IRAK3: variants seen among roughly 807,000 people sequenced by gnomAD.
The protein encoded by IRAK3 is interleukin 1 receptor associated kinase 3, also known as interleukin-1 receptor-associated kinase 3.
In IRAK3, 57 loss-of-function variants were observed where a neutral mutation model predicts 56.6. The ratio of observed to expected loss-of-function variants is 1.01; its 90% CI spans 0.81 to 1.26. The LOEUF (loss-of-function observed/expected upper bound fraction) is 1.26. Ranked by LOEUF, IRAK3 falls within the 50% of genes most tolerant of loss-of-function variation. The probability of loss-of-function intolerance (pLI) is 0.00; values close to 1 mark genes in which losing one functional copy is unlikely to be tolerated. For missense variants in IRAK3, 703 were observed against 719.0 expected, an observed-to-expected ratio of 0.98 and a Z score of 0.25; for synonymous variants, 258 against 255.7, an observed-to-expected ratio of 1.01 and a Z score of -0.09.
intron 1 of IRAK3, among the ~76,000 whole-genome samples, chr12:66,189,936 T>C (rs2052383787): frequency 6.6e-6 from 1 of 152,346 alleles, no homozygotes; most frequent in East Asian, 1.9e-4. Flanking sequence ...TTTTCTTAAT[T>C]AAATCTTATT....
intron 1 of IRAK3, among the ~76,000 whole-genome samples, chr12:66,194,010 C>G (rs541804349): frequency 6.6e-6 from 1 of 152,176 alleles, no homozygotes; most frequent in Non-Finnish European, 1.5e-5. Flanking sequence ...TCACTGCAGC[C>G]TCGACCTCCC....
intron 1 of IRAK3, among the ~76,000 whole-genome samples, chr12:66,195,147 A>C (rs1273534998): frequency 6.6e-6 from 1 of 152,164 alleles, no homozygotes; most frequent in Non-Finnish European, 1.5e-5. Flanking sequence ...GGCCAAAAAT[A>C]TTAGCCTTTT....
In IRAK3 at chr12:66,248,404, C is replaced by T. The variant is rs546434554; in HGVS notation, c.*233C>T. The stretch of plus-strand genomic sequence containing the variant: ...ATTGTCTCATGACCAAATCCACGCT[C>T]AATTAGAGCCATTCAAAATTCCTTA... On this transcript the variant is annotated 3_prime_UTR_variant, in exon 12 of 12. Coordinates refer to ENST00000261233, the MANE Select transcript of IRAK3 (RefSeq NM_007199.3). 41 of 423,482 alleles carry T rather than the reference C, an allele frequency of 9.7e-5. No individual in the cohort carries two copies. The South Asian group carries it at 1.4e-3, about 15-fold the overall frequency. The allele number at this position is 423,482 out of a possible 1,614,324, so 26.2% of individuals were successfully genotyped here. A position where few individuals can be genotyped will look rare whatever the true frequency, so the allele number is the denominator to read the frequency against.
intron 1 of IRAK3, among the ~76,000 whole-genome samples, chr12:66,191,704 G>A (rs985717467): frequency 5.3e-5 from 8 of 152,296 alleles, no homozygotes; most frequent in Admixed American, 3.9e-4. Flanking sequence ...GAGTTTTCCT[G>A]TGGGCACAGC....
At chr12:66,190,797 TG>T (rs1457232210) in intron 1 of IRAK3, among the ~76,000 whole-genome samples, 1 of 152,192 alleles carries the variant, frequency 6.6e-6, no homozygotes, top group African/African-American at 2.4e-5. Context: ...CAGCTGGAAA[TG>T]GAAGAGCCAG....
chr12:66,235,381 G>C, intron 8 of IRAK3: 1 of 1,006,206 alleles, frequency 9.9e-7, no homozygotes, highest in Non-Finnish European at 1.2e-6. Flanking sequence ...GGGGCCGGCC[G>C]GGCCCCGGGC....
At chr12:66,190,238 C>T (rs1490536976) in intron 1 of IRAK3, among the ~76,000 whole-genome samples, 2 of 152,094 alleles carry the variant, frequency 1.3e-5, no homozygotes, top group Non-Finnish European at 2.9e-5. Flanking sequence ...ATTTTTCTTA[C>T]CAGGACTAGC....
rs2052809081 is a variant in IRAK3, at chr12:66,228,290, T to C, written c.807T>C (p.Gly269=). ...CACTCCCTTGGCACATTCGAATCGG[T>C]ATATTAATAGGAATATCCAAAGCCA... is the stretch of plus-strand genomic sequence containing the variant. ...TAPLPWHIRI[G]ILIGISKAIH... The change falls in exon 8 of 12, where the codon GGT becomes GGC. Residue 269 remains glycine (G), a synonymous_variant. Coordinates refer to ENST00000261233, the MANE Select transcript of IRAK3 (RefSeq NM_007199.3). 3.1e-6 allele frequency: 5 copies of C among 1,614,150 alleles called. No homozygotes were observed. Among genetic ancestry groups the C allele is most frequent in the Non-Finnish European group, 4.2e-6 (5 of 1,179,992 alleles).
intron 6 of IRAK3, among the ~76,000 whole-genome samples, chr12:66,221,730 TA>T (rs2052735611): frequency 6.6e-6 from 1 of 152,216 alleles, no homozygotes; most frequent in Non-Finnish European, 1.5e-5. Context: ...TATTTCATCC[TA>T]TTAATGTTCT....
chr12:66,197,125 C>T, intron 1 of IRAK3: 1 of 1,295,910 alleles, frequency 7.7e-7, no homozygotes. Flanking sequence ...GACTTTTTGG[C>T]TTATGTGACT....
intron 1 of IRAK3, among the ~76,000 whole-genome samples, chr12:66,198,712 A>G (rs2052478647): frequency 6.6e-6 from 1 of 151,672 alleles, no homozygotes; most frequent in Non-Finnish European, 1.5e-5. Context: ...GCCTAATACT[A>G]TGTAAATATT....
At position 66,200,845 on chromosome 12, in the gene IRAK3, C is replaced by G. The variant is rs546551558; in HGVS notation, c.134-2866C>G. On this transcript the variant is annotated intron_variant, in intron 1 of 11. Coordinates refer to ENST00000261233, the MANE Select transcript of IRAK3 (RefSeq NM_007199.3). ...TTGTGTGTGGAAACAGAGTCTCACT[C>G]TGTTGCCTAGGCTGGAGTGCAATGG... Among the ~76,000 whole-genome samples the G allele has an allele frequency of 5.3e-5, 8 of 152,256 alleles. No individual in the cohort carries two copies. The East Asian group carries it at 1.4e-3, about 26-fold the overall frequency.
intron 1 of IRAK3, among the ~76,000 whole-genome samples, chr12:66,202,760 G>GC (rs1163935598): frequency 6.6e-6 from 1 of 151,616 alleles, no homozygotes; most frequent in East Asian, 1.9e-4. Context: ...AGCTGAGATT[G>GC]CCCCACTGTG....
At chr12:66,237,653 C>T (rs1025953147) in intron 8 of IRAK3, among the ~76,000 whole-genome samples, 1 of 152,188 alleles carries the variant, frequency 6.6e-6, no homozygotes, top group Non-Finnish European at 1.5e-5. Context: ...CCTCATTCAC[C>T]TCCTCTGCAG....
chr12:66,245,267 G>A lies in IRAK3; in HGVS notation c.1314+5G>A. Reference sequence around the variant, plus strand: ...TTAAGACCATCAATGGATGAAGTGAGTATATACATGGTTTTATTCAAAACT... The same window carrying A: ...TTAAGACCATCAATGGATGAAGTGAATATATACATGGTTTTATTCAAAACT... On this transcript the variant is annotated splice_donor_5th_base_variant and intron_variant, in intron 11 of 11. Transcript: ENST00000261233. 1 of 1,613,916 alleles carries A rather than the reference G, an allele frequency of 6.2e-7. No individual in the cohort carries two copies. The highest frequency in any genetic ancestry group is 1.3e-5 in the African/African-American group (1 of 75,034).
Position 66,203,727 on chromosome 12 carries a change from C to A in IRAK3, c.150C>A (p.Ser50Arg). The A allele has an allele frequency of 2.5e-6, 4 of 1,614,018 alleles. No homozygotes were observed. The South Asian group carries it at 4.4e-5, about 18-fold the overall frequency. ...TTTCCACAGCAGAGAGACTTTCAAG[C>A]AGCTGGCTGGATGTTCGTCATATTG... ...GWRGLAERLS[S>R]SWLDVRHIEK... The change falls in exon 2 of 12, where the codon AGC becomes AGA. Residue 50 changes from serine (S) to arginine (R), a missense_variant. Transcript: ENST00000261233.
Position 66,249,509 on chromosome 12 carries a change from T to C in IRAK3, c.*1338T>C, listed in dbSNP as rs1054742504. 2 of 152,230 alleles carry C rather than the reference T, an allele frequency of 1.3e-5. No individual in the cohort carries two copies. The highest frequency in any genetic ancestry group is 1.3e-4 in the Admixed American group (2 of 15,282). 9.4% of individuals were successfully genotyped at this position (152,230 alleles called of 1,614,324 possible). A position where few individuals can be genotyped will look rare whatever the true frequency, so the allele number is the denominator to read the frequency against. On this transcript the variant is annotated 3_prime_UTR_variant, in exon 12 of 12. Coordinates refer to ENST00000261233, the MANE Select transcript of IRAK3 (RefSeq NM_007199.3). ...GTAAACTCCCTATATTAGTTTTCTATTGTTTTTGTAACACATTATCACAAA... is the reference window on the plus strand; with the variant it reads ...GTAAACTCCCTATATTAGTTTTCTACTGTTTTTGTAACACATTATCACAAA...
intron 8 of IRAK3, among the ~76,000 whole-genome samples, chr12:66,231,197 A>G (rs1325938638): frequency 6.6e-6 from 1 of 152,158 alleles, no homozygotes; most frequent in East Asian, 1.9e-4. Flanking sequence ...GCTCTAGTTT[A>G]AGAAAAATTA....
chr12:66,223,671 A>AT (rs2052758210), intron 6 of IRAK3, among the ~76,000 whole-genome samples: 2 of 151,412 alleles, frequency 1.3e-5, no homozygotes, highest in South Asian at 4.2e-4. Flanking sequence ...AAAAAAAAAA[A>AT]GTTATCATGG....
Sources: gnomAD v4.1 joint callset for allele counts (sites outside exome capture counted in the v4.1 genomes callset) on GRCh38, gnomAD v4.1.1 for gene constraint, MANE v1.5 for transcripts, NCBI Gene and HGNC (gene_info 2026-07-23, HGNC 2026-07-21) for gene names.